Variants in FREM1 observed in about 807,000 individuals in gnomAD.
FREM1 encodes the protein FRAS1 related extracellular matrix 1, also known as FRAS1-related extracellular matrix protein 1.
In FREM1, 220 loss-of-function variants were observed where a neutral mutation model predicts 210.1. The ratio of observed to expected loss-of-function variants is 1.05; its 90% CI spans 0.94 to 1.17. FREM1 has a LOEUF of 1.17. Among genes scored for constraint, FREM1 ranks in the 50% most tolerant of loss-of-function variants. The pLI is 0.00. For missense variants in FREM1, 3,454 were observed against 2,675.5 expected (o/e 1.29, Z -6.42); for synonymous variants, 1,189 against 980.2 (o/e 1.21, Z -3.98).
intron 27 of FREM1, among the ~76,000 whole-genome samples, chr9:14,763,761 G>C (rs146632260): frequency 6.6e-6 from 1 of 152,210 alleles, no homozygotes; most frequent in African/African-American, 2.4e-5. Flanking sequence ...CATTTTTCCA[G>C]AGCATGTACC....
At chr9:14,846,133 G>C (rs922447257) in intron 7 of FREM1, 42 bp from the exon 8 acceptor site, 1 of 1,497,526 alleles carries the variant, frequency 6.7e-7, no homozygotes. Flanking sequence ...TCATAGACTG[G>C]ATAAAGAAAA....
Position 14,788,908 on chromosome 9 carries a change from C to T in FREM1, c.4177+11G>A, listed in dbSNP as rs564740790. On this transcript the variant is annotated intron_variant, in intron 23 of 36. Coordinates refer to ENST00000380880, the MANE Select transcript of FREM1 (RefSeq NM_001379081.2). ...GTTGATCCCAGTAAACCTTGGTAGA[C>T]GTGCTTTTACCTTTTTCCATGTCCT... The T allele has an allele frequency of 5.3e-5, 85 of 1,605,470 alleles. No individual in the cohort carries two copies. The East Asian group carries it at 8.5e-4, about 16-fold the overall frequency.
intron 24 of FREM1, among the ~76,000 whole-genome samples, chr9:14,777,100 CAA>C (rs1183100387): frequency 6.6e-6 from 1 of 152,158 alleles, no homozygotes; most frequent in East Asian, 1.9e-4. Flanking sequence ...CAATCCACCA[CAA>C]AAGAGTTGTG....
intron 16 of FREM1, among the ~76,000 whole-genome samples, chr9:14,808,903 G>A (rs1274935669): frequency 6.6e-6 from 1 of 152,154 alleles, no homozygotes; most frequent in Non-Finnish European, 1.5e-5. Flanking sequence ...TTGCTATCCA[G>A]GACACAGAAA....
chr9:14,819,567 G>A, intron 13 of FREM1, 125 bp from the exon 14 acceptor site: 2 of 604,458 alleles, frequency 3.3e-6, no homozygotes, highest in South Asian at 2.6e-5. Flanking sequence ...TCAAGAATGT[G>A]GTAAGAGGAT....
chr9:14,862,125 C>T (rs1830705757), intron 3 of FREM1, among the ~76,000 whole-genome samples: 1 of 152,208 alleles, frequency 6.6e-6, no homozygotes, highest in Non-Finnish European at 1.5e-5. Flanking sequence ...CTCAACACAG[C>T]ATTTTGTGAC....
At chr9:14,747,563 A>C (rs1320256311) in intron 32 of FREM1, 118 bp downstream of exon 32, 1 of 1,066,984 alleles carries the variant, frequency 9.4e-7, no homozygotes, top group African/African-American at 1.6e-5. Flanking sequence ...CCAAGCCTCT[A>C]ATTTCAAAAC....
intron 2 of FREM1, among the ~76,000 whole-genome samples, chr9:14,864,364 T>G (rs181736790): frequency 2.7e-4 from 41 of 152,306 alleles, no homozygotes; most frequent in African/African-American, 9.1e-4. Flanking sequence ...TCTCCTTTCA[T>G]TTCTTTTTTT....
At chr9:14,857,434 G>A (rs1407264475) in intron 5 of FREM1, 119 bp downstream of exon 5, 4 of 888,066 alleles carry the variant, frequency 4.5e-6, no homozygotes, top group Non-Finnish European at 5.8e-6. Flanking sequence ...GTCGCTGGCA[G>A]TTTTACCCCC....
At chr9:14,769,694 T>C (rs1847173442) in intron 27 of FREM1, 30 bp downstream of exon 27, 3 of 1,607,612 alleles carry the variant, frequency 1.9e-6, no homozygotes, top group Admixed American at 1.7e-5. Flanking sequence ...ATGTAACATA[T>C]AGGACTACTG....
chr9:14,761,067 A>ATATC (rs1845409445), intron 27 of FREM1, among the ~76,000 whole-genome samples: 1 of 152,016 alleles, frequency 6.6e-6, no homozygotes, highest in Non-Finnish European at 1.5e-5. Context: ...ATTTATTATA[A>ATATC]TTTCTTTCTT....
At chr9:14,880,728 G>C (rs1834648211) in intron 1 of FREM1, among the ~76,000 whole-genome samples, 1 of 151,854 alleles carries the variant, frequency 6.6e-6, no homozygotes, top group Non-Finnish European at 1.5e-5. Flanking sequence ...AATATATGTA[G>C]ATAACTTGAA....
chr9:14,867,003 G>A (rs116460845), intron 2 of FREM1, among the ~76,000 whole-genome samples: 1 of 151,946 alleles, frequency 6.6e-6, no homozygotes, highest in African/African-American at 2.4e-5. Flanking sequence ...AGGCTTACAG[G>A]TATGTGCCAC....
At chr9:14,749,526 T>A (rs1355636477) in intron 30 of FREM1, among the ~76,000 whole-genome samples, 1 of 152,132 alleles carries the variant, frequency 6.6e-6, no homozygotes, top group Non-Finnish European at 1.5e-5. Flanking sequence ...CTAAAAGGCA[T>A]TTGGTGGAAA....
chr9:14,899,037 T>A (rs1328631557), intron 1 of FREM1, among the ~76,000 whole-genome samples: 2 of 152,188 alleles, frequency 1.3e-5, no homozygotes, highest in Non-Finnish European at 2.9e-5. Context: ...CTGAATTGAC[T>A]CTCCTGTGAC....
At chr9:14,819,046 A>G (rs1319765008) in intron 14 of FREM1, among the ~76,000 whole-genome samples, 188 bp downstream of exon 14, 2 of 152,220 alleles carry the variant, frequency 1.3e-5, no homozygotes, top group Non-Finnish European at 2.9e-5. Context: ...AGTCAGATGG[A>G]AATAAAATGT....
At chr9:14,769,015 C>T (rs1027679058) in intron 27 of FREM1, among the ~76,000 whole-genome samples, 1 of 152,092 alleles carries the variant, frequency 6.6e-6, no homozygotes, top group African/African-American at 2.4e-5. Context: ...CTCTGACCGA[C>T]CTTTCTATGA....
At chr9:14,791,429 C>T (rs183666464) in intron 22 of FREM1, among the ~76,000 whole-genome samples, 53 of 152,278 alleles carry the variant, frequency 3.5e-4, no homozygotes, top group Admixed American at 8.5e-4. Context: ...TGTTAATTTA[C>T]GGTGTCATGC....
intron 5 of FREM1, among the ~76,000 whole-genome samples, chr9:14,852,442 C>A: frequency 6.6e-6 from 1 of 152,170 alleles, no homozygotes; most frequent in South Asian, 2.1e-4. Flanking sequence ...AATCCCAGCA[C>A]TCTGGGAGGC....
Sources: allele counts gnomAD v4.1 joint callset (sites outside exome capture counted in the v4.1 genomes callset), GRCh38; gene constraint gnomAD v4.1.1; transcripts MANE v1.5; gene names NCBI Gene and HGNC (gene_info 2026-07-23, HGNC 2026-07-21).